SEMA3C: variants seen among roughly 807,000 people sequenced by gnomAD.
SEMA3C encodes semaphorin-3C.
In SEMA3C, 47 loss-of-function variants were observed where a neutral mutation model predicts 89.4. The observed-to-expected ratio is 0.53, with a 90% CI of 0.42 to 0.67. The LOEUF (loss-of-function observed/expected upper bound fraction) is 0.67, where lower values mean the gene tolerates loss of function less well. SEMA3C is among the 30% of genes least tolerant of loss of function. SEMA3C has a pLI of 0.00. For synonymous variants in SEMA3C, 310 were observed against 320.2 expected, an observed-to-expected ratio of 0.97 and a Z score of 0.34; for missense variants, 839 against 929.1, an observed-to-expected ratio of 0.90 and a Z score of 1.26.
At chr7:80,810,766 T>G in intron 5 of SEMA3C, 65 bp from the exon 6 acceptor site, 1 of 1,235,332 alleles carries the variant, frequency 8.1e-7, no homozygotes, top group South Asian at 1.2e-5. Context: ...AATTGTTCAT[T>G]AGTAAAACAA....
chr7:80,754,787 T>C (rs1788017231), intron 15 of SEMA3C, among the ~76,000 whole-genome samples: 1 of 151,752 alleles, frequency 6.6e-6, no homozygotes, highest in African/African-American at 2.4e-5. Context: ...GTTGTTGTTG[T>C]TGTTGTTTTA....
At chr7:80,865,310 T>C (rs990421687) in intron 2 of SEMA3C, among the ~76,000 whole-genome samples, 16 of 152,172 alleles carry the variant, frequency 1.1e-4, no homozygotes, top group Non-Finnish European at 2.2e-4. Flanking sequence ...AAATATACAA[T>C]TAGACTTAAT....
At chr7:80,862,740 T>G (rs867044656) in intron 2 of SEMA3C, among the ~76,000 whole-genome samples, 1 of 152,062 alleles carries the variant, frequency 6.6e-6, no homozygotes, top group Non-Finnish European at 1.5e-5. Flanking sequence ...TGGTATAAAA[T>G]AGGCACACAG....
At chr7:80,905,954 TG>T (rs1278892662) in intron 2 of SEMA3C, 41 of 1,221,594 alleles carry the variant, frequency 3.4e-5, no homozygotes, top group African/African-American at 7.8e-5. Flanking sequence ...AATTTTGTTT[TG>T]TTTTTTTTTT....
intron 6 of SEMA3C, among the ~76,000 whole-genome samples, chr7:80,807,430 G>A (rs995483936): frequency 1.3e-5 from 2 of 152,004 alleles, no homozygotes; most frequent in Non-Finnish European, 2.9e-5. Context: ...TCTTAAATTC[G>A]CAGTAATTTT....
intron 4 of SEMA3C, among the ~76,000 whole-genome samples, chr7:80,821,609 C>T (rs112906889): frequency 1.8e-3 from 274 of 152,140 alleles, no homozygotes; most frequent in African/African-American, 6.1e-3. Flanking sequence ...TTAGTAGAGA[C>T]GGGGTTTCAT....
In SEMA3C at chr7:80,744,121, C is replaced by CT. The variant is rs1168120822; in HGVS notation, c.*772dup. The CT allele has an allele frequency of 1.8e-4, 9 of 48,906 alleles. No homozygotes were observed. Among genetic ancestry groups the CT allele is most frequent in the Non-Finnish European group, 4.4e-4 (9 of 20,654 alleles). 3.0% of individuals were successfully genotyped at this position (48,906 alleles called of 1,614,324 possible). A position where few individuals can be genotyped will look rare whatever the true frequency, so the allele number is the denominator to read the frequency against. ...TAACTGAGTAGTGCCAGATTATATTCTTTGAGTCTAAAATAAATAACTTCC... is the reference window on the plus strand; with the variant it reads ...TAACTGAGTAGTGCCAGATTATATTCTTTTGAGTCTAAAATAAATAACTTCC... On this transcript the variant is annotated 3_prime_UTR_variant, in exon 18 of 18. Coordinates refer to ENST00000265361, the MANE Select transcript of SEMA3C (RefSeq NM_006379.5).
intron 5 of SEMA3C, among the ~76,000 whole-genome samples, chr7:80,812,850 G>C (rs1198589270): frequency 6.6e-6 from 1 of 151,832 alleles, no homozygotes; most frequent in Non-Finnish European, 1.5e-5. Flanking sequence ...GCAGTGGTGC[G>C]ATCTCGGCTT....
At position 80,903,173 on chromosome 7, in the gene SEMA3C, C is replaced by T. The variant is rs1363119630; in HGVS notation, c.103+13506G>A. The stretch of plus-strand genomic sequence containing the variant: ...GGCAATTTTGTCATTGTGCGAACAT[C>T]ATATATTTAACTTATACCAACCTAG... On this transcript the variant is annotated intron_variant, in intron 2 of 17. Transcript: ENST00000265361. Among the ~76,000 whole-genome samples, 4 of 152,128 alleles carry T rather than the reference C, an allele frequency of 2.6e-5. No individual in the cohort carries two copies. The South Asian group carries it at 6.2e-4, about 24-fold the overall frequency.
chr7:80,892,096 T>C (rs1297975992), intron 2 of SEMA3C, among the ~76,000 whole-genome samples: 2 of 152,118 alleles, frequency 1.3e-5, no homozygotes, highest in Non-Finnish European at 2.9e-5. Context: ...CATTCAGAGA[T>C]ACAGCTTTGC....
At position 80,918,873 on chromosome 7, in the gene SEMA3C, G is replaced by A. The variant is rs1792341268; in HGVS notation, c.-84C>T. ...ACGGAAAAGTCATCAGTTTGCTACC[G>A]GGGTTGGATGCGCTTGTGTCTCCAG... On this transcript the variant is annotated 5_prime_UTR_variant, in exon 1 of 18. Transcript: ENST00000265361. 1.0e-6 allele frequency: 1 copy of A among 985,336 alleles called. No homozygotes were observed. 61.0% of individuals were successfully genotyped at this position (985,336 alleles called of 1,614,324 possible).
At chr7:80,894,595 T>C (rs1360650291) in intron 2 of SEMA3C, among the ~76,000 whole-genome samples, 1 of 152,214 alleles carries the variant, frequency 6.6e-6, no homozygotes. Flanking sequence ...CGACTGACTA[T>C]GACTACACAT....
chr7:80,816,917 T>C (rs1248053752), intron 5 of SEMA3C, among the ~76,000 whole-genome samples: 1 of 152,184 alleles, frequency 6.6e-6, no homozygotes, highest in African/African-American at 2.4e-5. Flanking sequence ...GGAAAATAAT[T>C]TTATTTGAAA....
intron 4 of SEMA3C, among the ~76,000 whole-genome samples, chr7:80,824,883 C>T (rs1412122737): frequency 2.0e-5 from 3 of 152,172 alleles, no homozygotes; most frequent in South Asian, 2.1e-4. Context: ...CTGGCGTGTT[C>T]CATTAAATGT....
chr7:80,919,097 G>T, upstream of SEMA3C: 1 of 985,106 alleles, frequency 1.0e-6, no homozygotes, highest in Non-Finnish European at 1.2e-6. Context: ...CTTGGTGTCC[G>T]ATTACAGCGC....
chr7:80,827,366 T>C, intron 4 of SEMA3C, 59 bp downstream of exon 4: 3 of 1,458,516 alleles, frequency 2.1e-6, no homozygotes, highest in Non-Finnish European at 1.8e-6. Flanking sequence ...AGTACATGGA[T>C]TCGAAAACCA....
intron 2 of SEMA3C, among the ~76,000 whole-genome samples, chr7:80,844,921 CCTT>C (rs1406649168): frequency 1.3e-4 from 20 of 152,166 alleles, no homozygotes; most frequent in African/African-American, 4.3e-4. Context: ...ATGGAAGTGT[CCTT>C]CTAAATCTTT....
In SEMA3C at chr7:80,789,459, T is replaced by C. The variant is rs753476253; in HGVS notation, c.1201A>G (p.Ile401Val). 5 of 1,613,934 alleles carry C rather than the reference T, an allele frequency of 3.1e-6. No homozygotes were observed. The highest frequency in any genetic ancestry group is 1.7e-5 in the Admixed American group (1 of 59,964). ...TTGTACATGAGAGGATGGTTCCGAA[T>C]AAAAGTGACAACATCATCTGGGAAC... ...KEFPDDVVTFIRNHPLMYNSI... is the reference protein window; with the variant it reads ...KEFPDDVVTFVRNHPLMYNSI... Residue 401 changes from isoleucine to valine, a missense_variant, in exon 12 of 18, where the codon ATT becomes GTT. Coordinates refer to ENST00000265361, the MANE Select transcript of SEMA3C (RefSeq NM_006379.5).
intron 2 of SEMA3C, among the ~76,000 whole-genome samples, chr7:80,865,189 T>C (rs565207904): frequency 1.3e-5 from 2 of 152,170 alleles, no homozygotes; most frequent in Non-Finnish European, 2.9e-5. Flanking sequence ...GAGAAATAAA[T>C]GTATGGAAGT....
Sources: gnomAD v4.1 joint callset for allele counts (sites outside exome capture counted in the v4.1 genomes callset) on GRCh38, gnomAD v4.1.1 for gene constraint, MANE v1.5 for transcripts, NCBI Gene and HGNC (gene_info 2026-07-23, HGNC 2026-07-21) for gene names.